TMEM132D: variants seen among roughly 807,000 people sequenced by gnomAD.
TMEM132D encodes transmembrane protein 132D.
TMEM132D carries 21 observed loss-of-function variants against 62.3 expected under a neutral mutation model. The ratio of observed to expected loss-of-function variants is 0.34; its 90% CI spans 0.24 to 0.49. The LOEUF is 0.49. Among genes scored for constraint, TMEM132D ranks in the 20% least tolerant of loss-of-function variants. The probability of loss-of-function intolerance (pLI) is 0.99; values close to 1 mark genes in which losing one functional copy is unlikely to be tolerated. For missense variants in TMEM132D, 1,346 were observed against 1,402.8 expected (o/e 0.96, Z 0.65); for synonymous variants, 621 against 575.6 (o/e 1.08, Z -1.13).
chr12:129,736,096 A>C (rs1869414979), intron 1 of TMEM132D, among the ~76,000 whole-genome samples: 1 of 150,180 alleles, frequency 6.7e-6, no homozygotes, highest in African/African-American at 2.5e-5. Context: ...CCAGATATCC[A>C]CTCTACAATG....
At chr12:129,152,731 C>T (rs571806960) in intron 5 of TMEM132D, among the ~76,000 whole-genome samples, 41 of 152,258 alleles carry the variant, frequency 2.7e-4, no homozygotes, top group Non-Finnish European at 4.9e-4. Context: ...TTCCTGGATG[C>T]CTGACATTGT....
chr12:129,611,283 C>T (rs1487103665), intron 2 of TMEM132D, among the ~76,000 whole-genome samples: 2 of 152,244 alleles, frequency 1.3e-5, no homozygotes, highest in East Asian at 1.9e-4. Context: ...CTTTCTTTAG[C>T]GAGATCAGCT....
intron 3 of TMEM132D, among the ~76,000 whole-genome samples, chr12:129,416,484 C>G (rs912577018): frequency 4.6e-5 from 7 of 152,162 alleles, no homozygotes; most frequent in Non-Finnish European, 1.0e-4. Flanking sequence ...AACATACAAT[C>G]ATGTCATCTG....
At chr12:129,090,338 T>G (rs1277843492) in intron 5 of TMEM132D, among the ~76,000 whole-genome samples, 2 of 152,094 alleles carry the variant, frequency 1.3e-5, no homozygotes, top group African/African-American at 4.8e-5. Flanking sequence ...CATTTCTAAC[T>G]CAGGCTGAAT....
intron 2 of TMEM132D, among the ~76,000 whole-genome samples, chr12:129,615,466 T>G (rs887135427): frequency 6.7e-6 from 1 of 149,460 alleles, no homozygotes. Context: ...AGTACGGCCG[T>G]GAGACCAGGC....
intron 5 of TMEM132D, among the ~76,000 whole-genome samples, chr12:129,167,113 T>A (rs1877585167): frequency 6.7e-6 from 1 of 149,416 alleles, no homozygotes; most frequent in Admixed American, 6.7e-5. Context: ...TGAGCTGAGA[T>A]CATGTCACTA....
Position 129,339,189 on chromosome 12 carries a change from C to T in TMEM132D, c.1116-1372G>A, listed in dbSNP as rs548403323. On this transcript the variant is annotated intron_variant, in intron 3 of 8. Transcript: ENST00000422113. Reference sequence around the variant, plus strand: ...GGGAGGCTGAGGCATGAGAATTGAACCTGGGAGGCAGAGGTTGCAGTGAGC... The same window carrying T: ...GGGAGGCTGAGGCATGAGAATTGAATCTGGGAGGCAGAGGTTGCAGTGAGC... 4.0e-5 allele frequency among the ~76,000 whole-genome samples: 6 copies of T among 151,718 alleles called. No individual in the cohort carries two copies. The South Asian group carries it at 6.2e-4, about 16-fold the overall frequency.
At chr12:129,248,895 G>C (rs531435808) in intron 4 of TMEM132D, among the ~76,000 whole-genome samples, 4 of 152,002 alleles carry the variant, frequency 2.6e-5, no homozygotes, top group Non-Finnish European at 5.9e-5. Flanking sequence ...TTTTATGGTT[G>C]CATAGTATTC....
At chr12:129,495,049 G>T (rs1874910454) in intron 3 of TMEM132D, among the ~76,000 whole-genome samples, 1 of 152,176 alleles carries the variant, frequency 6.6e-6, no homozygotes, top group South Asian at 2.1e-4. Flanking sequence ...CTCTGTGCCA[G>T]AAACATAGGC....
chr12:129,116,917 G>GAAAAA (rs1565969603), intron 5 of TMEM132D, among the ~76,000 whole-genome samples: 5 of 14,016 alleles, frequency 3.6e-4, no homozygotes, highest in South Asian at 2.4e-3. Context: ...GAAAATTTCC[G>GAAAAA]CAAAAAAAAA....
intron 5 of TMEM132D, among the ~76,000 whole-genome samples, chr12:129,174,104 CTTTAT>C (rs1555234520): frequency 6.6e-5 from 10 of 152,250 alleles, no homozygotes; most frequent in Non-Finnish European, 7.4e-5. Flanking sequence ...CCCCGCTTTT[CTTTAT>C]TTTATTTTAC....
chr12:129,500,950 T>C (rs1312761258), intron 3 of TMEM132D, among the ~76,000 whole-genome samples: 4 of 152,226 alleles, frequency 2.6e-5, no homozygotes, highest in African/African-American at 9.6e-5. Context: ...TGAGCTTCGC[T>C]TCAAAACATT....
intron 4 of TMEM132D, among the ~76,000 whole-genome samples, chr12:129,218,046 A>T (rs1022743911): frequency 3.9e-5 from 6 of 152,068 alleles, no homozygotes; most frequent in African/African-American, 1.4e-4. Context: ...ACTCAAAGGG[A>T]GTGAGGCCGG....
chr12:129,198,430 T>C (rs1878605752), intron 5 of TMEM132D, among the ~76,000 whole-genome samples: 1 of 151,904 alleles, frequency 6.6e-6, no homozygotes, highest in South Asian at 2.1e-4. Flanking sequence ...CATCAACAGA[T>C]GGATGGGTAA....
intron 2 of TMEM132D, among the ~76,000 whole-genome samples, chr12:129,562,779 CTGGG>C (rs1407552013): frequency 6.6e-6 from 1 of 152,168 alleles, no homozygotes; most frequent in African/African-American, 2.4e-5. Flanking sequence ...CATGCTATTC[CTGGG>C]TGTAGAATAT....
rs543464846 is a variant in TMEM132D, at chr12:129,369,979, G to A, written c.1116-32162C>T. On this transcript the variant is annotated intron_variant, in intron 3 of 8. Coordinates refer to ENST00000422113, the MANE Select transcript of TMEM132D (RefSeq NM_133448.3). ...GGGAGCACAGCCAGCGTGGGACAGT[G>A]GCAGGGGTGGGGGCTGTGGCCAACT... 7.2e-5 allele frequency among the ~76,000 whole-genome samples: 11 copies of A among 152,322 alleles called. No individual in the cohort carries two copies. In the East Asian group the frequency reaches 1.7e-3, roughly 24 times the overall value.
At chr12:129,321,339 G>A (rs1335585363) in intron 4 of TMEM132D, among the ~76,000 whole-genome samples, 1 of 152,170 alleles carries the variant, frequency 6.6e-6, no homozygotes, top group Non-Finnish European at 1.5e-5. Flanking sequence ...ATAAGAAGAG[G>A]CTGATACCAA....
At chr12:129,805,322 T>C (rs1030600414) in intron 1 of TMEM132D, among the ~76,000 whole-genome samples, 37 of 152,184 alleles carry the variant, frequency 2.4e-4, no homozygotes, top group Middle Eastern at 3.4e-3. Flanking sequence ...CAAAACAGCA[T>C]GGTACTGGTA....
intron 3 of TMEM132D, among the ~76,000 whole-genome samples, chr12:129,464,921 G>C (rs1873832048): frequency 6.6e-6 from 1 of 150,760 alleles, no homozygotes; most frequent in Non-Finnish European, 1.5e-5. Context: ...CTCCAGCTTT[G>C]TTCTTTTGGC....
Sources: allele counts gnomAD v4.1 joint callset (sites outside exome capture counted in the v4.1 genomes callset), GRCh38; gene constraint gnomAD v4.1.1; transcripts MANE v1.5; gene names NCBI Gene and HGNC (gene_info 2026-07-23, HGNC 2026-07-21).